Variants in CACNA2D3 observed in about 807,000 individuals in gnomAD.
CACNA2D3 encodes the protein calcium voltage-gated channel auxiliary subunit alpha2delta 3.
CACNA2D3 carries 60 observed loss-of-function variants against 160.6 expected under a neutral mutation model. The observed-to-expected ratio is 0.37, with a 90% CI of 0.30 to 0.46. The LOEUF is 0.46. Among genes scored for constraint, CACNA2D3 ranks in the 20% least tolerant of loss-of-function variants. CACNA2D3 has a pLI of 1.00. For synonymous variants in CACNA2D3, 558 were observed against 492.9 expected, an observed-to-expected ratio of 1.13 and a Z score of -1.75; for missense variants, 1,205 against 1,365.0, an observed-to-expected ratio of 0.88 and a Z score of 1.85.
chr3:54,307,779 G>A (rs532249410), intron 2 of CACNA2D3, among the ~76,000 whole-genome samples: 2 of 152,196 alleles, frequency 1.3e-5, no homozygotes, highest in East Asian at 3.8e-4. Flanking sequence ...TTCATTGATG[G>A]CCTTCGATTT....
intron 11 of CACNA2D3, among the ~76,000 whole-genome samples, chr3:54,649,082 G>C (rs1699709038): frequency 6.6e-6 from 1 of 152,222 alleles, no homozygotes; most frequent in African/African-American, 2.4e-5. Context: ...AGGGCTGGGA[G>C]ACTTGATGCC....
chr3:54,886,935 C>CTTTTTTTTTTTT (rs60899252), intron 23 of CACNA2D3, among the ~76,000 whole-genome samples: 1,461 of 107,352 alleles, frequency 0.014, 52 homozygotes, highest in East Asian at 0.022. Context: ...CAGCAAAGCT[C>CTTTTTTTTTTTT]TTTTTTTTTT....
chr3:54,805,634 T>G (rs566410006), intron 13 of CACNA2D3, among the ~76,000 whole-genome samples: 42 of 152,266 alleles, frequency 2.8e-4, no homozygotes, highest in African/African-American at 9.6e-4. Flanking sequence ...CAAAGAGGAA[T>G]TGGTACCATT....
At chr3:54,523,098 G>A (rs1317017243) in intron 5 of CACNA2D3, among the ~76,000 whole-genome samples, 3 of 152,082 alleles carry the variant, frequency 2.0e-5, no homozygotes, top group Non-Finnish European at 4.4e-5. Context: ...AGTGTTAAGA[G>A]CAGGTAATTC....
intron 9 of CACNA2D3, among the ~76,000 whole-genome samples, chr3:54,613,134 A>C (rs1258484744): frequency 6.6e-6 from 1 of 152,236 alleles, no homozygotes; most frequent in Non-Finnish European, 1.5e-5. Context: ...CAGACCTCTT[A>C]CAGTGTACAT....
chr3:55,057,198 C>T (rs1272574276), intron 35 of CACNA2D3, among the ~76,000 whole-genome samples: 1 of 152,122 alleles, frequency 6.6e-6, no homozygotes, highest in Non-Finnish European at 1.5e-5. Flanking sequence ...GTGAGGCCTC[C>T]CCAGCCACGT....
At chr3:54,969,878 GT>G in intron 29 of CACNA2D3, 34 bp downstream of exon 29, 2 of 1,585,676 alleles carry the variant, frequency 1.3e-6, no homozygotes, top group Non-Finnish European at 8.7e-7. Flanking sequence ...TTCTACCCCT[GT>G]GGATAGAAGG....
At position 54,364,064 on chromosome 3, in the gene CACNA2D3, C is replaced by A. The variant is rs569092951; in HGVS notation, c.322-22651C>A. 7.0e-4 allele frequency among the ~76,000 whole-genome samples: 106 copies of A among 152,276 alleles called. 5 individuals carry two copies. In the South Asian group the frequency reaches 0.021, roughly 30 times the overall value. ...TGATTAGAACATTATGGCGCCTGAG[C>A]CCCTGCAGGTGGGTTTTTAGCCAGC... On this transcript the variant is annotated intron_variant, in intron 3 of 37. Transcript: ENST00000474759.
chr3:54,247,576 A>G (rs1046444352), intron 2 of CACNA2D3, among the ~76,000 whole-genome samples: 7 of 152,304 alleles, frequency 4.6e-5, no homozygotes, highest in Admixed American at 6.5e-5. Context: ...GGAACATTGT[A>G]AATATAAAAA....
chr3:54,635,988 A>G (rs1347231198), intron 10 of CACNA2D3, among the ~76,000 whole-genome samples: 1 of 151,970 alleles, frequency 6.6e-6, no homozygotes, highest in African/African-American at 2.4e-5. Flanking sequence ...GGGCATGTTA[A>G]GTAAAGCTAA....
At chr3:54,858,439 C>G (rs1043190252) in intron 17 of CACNA2D3, among the ~76,000 whole-genome samples, 7 of 152,206 alleles carry the variant, frequency 4.6e-5, no homozygotes, top group African/African-American at 1.7e-4. Flanking sequence ...ATGAAACACT[C>G]TCCTCTTCCA....
rs146428509 is a variant in CACNA2D3 at position 55,064,120 on chromosome 3, C to T, written c.2988-9325C>T. Among the ~76,000 whole-genome samples, 386 of 152,314 alleles carry T rather than the reference C, an allele frequency of 2.5e-3. 2 individuals are homozygous for T. The highest frequency in any genetic ancestry group is 8.3e-3 in the African/African-American group (344 of 41,582). On this transcript the variant is annotated intron_variant, in intron 35 of 37. Coordinates refer to ENST00000474759, the MANE Select transcript of CACNA2D3 (RefSeq NM_018398.3). The stretch of plus-strand genomic sequence containing the variant: ...GGTGGGGTGCGCAGCTCAGCAGCCG[C>T]AGGGCTTCTCCCTCCCACTAGCCAC...
At chr3:54,413,424 C>CTATATATATCTATATATATATATATCTA (rs1575442002) in intron 4 of CACNA2D3, among the ~76,000 whole-genome samples, 2 of 145,542 alleles carry the variant, frequency 1.4e-5, no homozygotes, top group African/African-American at 5.0e-5. Context: ...ATATAGATAT[C>CTATATATATCTATATATATATATATCTA]TATATATATA....
At chr3:54,707,183 G>T (rs911549159) in intron 11 of CACNA2D3, among the ~76,000 whole-genome samples, 1 of 152,166 alleles carries the variant, frequency 6.6e-6, no homozygotes, top group Non-Finnish European at 1.5e-5. Flanking sequence ...GTGAGTCCAG[G>T]CAAAAGCCCC....
At chr3:54,356,507 T>C (rs1698651657) in intron 3 of CACNA2D3, among the ~76,000 whole-genome samples, 1 of 152,174 alleles carries the variant, frequency 6.6e-6, no homozygotes, top group Non-Finnish European at 1.5e-5. Flanking sequence ...GAGTTATGCC[T>C]TGGCAGCCAC....
chr3:54,687,124 T>TTTTTTG (rs1700469328), intron 11 of CACNA2D3, among the ~76,000 whole-genome samples: 1 of 55,074 alleles, frequency 1.8e-5, no homozygotes, highest in Non-Finnish European at 3.6e-5. Flanking sequence ...TCTTTTTCTT[T>TTTTTTG]TTTTTTTTTT....
At chr3:54,225,451 A>T (rs574812002) in intron 2 of CACNA2D3, among the ~76,000 whole-genome samples, 4 of 152,154 alleles carry the variant, frequency 2.6e-5, no homozygotes, top group Non-Finnish European at 5.9e-5. Flanking sequence ...CCTTTTCACA[A>T]TATCCTCTGT....
intron 31 of CACNA2D3, among the ~76,000 whole-genome samples, chr3:54,988,801 C>A (rs1395004936): frequency 6.6e-6 from 1 of 152,112 alleles, no homozygotes; most frequent in African/African-American, 2.4e-5. Context: ...CTTGTTTGTG[C>A]CAGAAGGGAA....
intron 27 of CACNA2D3, chr3:54,924,643 A>G (rs1700957475): frequency 6.2e-7 from 1 of 1,613,720 alleles, no homozygotes; most frequent in South Asian, 1.1e-5. Context: ...TTCTCCAGCC[A>G]GAGTTTAAGA....
Sources: allele counts gnomAD v4.1 joint callset (sites outside exome capture counted in the v4.1 genomes callset), GRCh38; gene constraint gnomAD v4.1.1; transcripts MANE v1.5; gene names NCBI Gene and HGNC (gene_info 2026-07-23, HGNC 2026-07-21).